Variants in TMEM132D observed in about 807,000 individuals in gnomAD.
TMEM132D encodes transmembrane protein 132D.
TMEM132D carries 21 observed loss-of-function variants against 62.3 expected under a neutral mutation model. The ratio of observed to expected loss-of-function variants is 0.34; its 90% CI spans 0.24 to 0.49. The LOEUF (loss-of-function observed/expected upper bound fraction) is 0.49. Ranked by LOEUF, TMEM132D falls within the 20% of genes least tolerant of loss-of-function variation. The pLI is 0.99. For missense variants in TMEM132D, 1,346 were observed against 1,402.8 expected (o/e 0.96, Z 0.65); for synonymous variants, 621 against 575.6 (o/e 1.08, Z -1.13).
chr12:129,238,101 C>T (rs776271636), intron 4 of TMEM132D, among the ~76,000 whole-genome samples: 3 of 152,112 alleles, frequency 2.0e-5, no homozygotes, highest in Non-Finnish European at 4.4e-5. Context: ...CTGTCTCTTC[C>T]CCTGTCCTAG....
intron 2 of TMEM132D, among the ~76,000 whole-genome samples, chr12:129,569,165 G>A (rs183461776): frequency 3.9e-5 from 6 of 152,312 alleles, no homozygotes; most frequent in Admixed American, 3.9e-4. Flanking sequence ...TAGGTAACGG[G>A]AAGAACAGGC....
intron 4 of TMEM132D, among the ~76,000 whole-genome samples, chr12:129,273,639 C>A (rs1880920749): frequency 6.6e-6 from 1 of 151,786 alleles, no homozygotes; most frequent in Non-Finnish European, 1.5e-5. Context: ...AGCTGGAGGT[C>A]ATTATCCTAA....
intron 2 of TMEM132D, among the ~76,000 whole-genome samples, chr12:129,668,408 T>C (rs955722451): frequency 6.6e-6 from 1 of 151,408 alleles, no homozygotes; most frequent in Non-Finnish European, 1.5e-5. Flanking sequence ...TCCCCAGACA[T>C]TTTGTCTTGC....
intron 1 of TMEM132D, among the ~76,000 whole-genome samples, chr12:129,803,400 C>A: frequency 6.6e-6 from 1 of 152,074 alleles, no homozygotes; most frequent in East Asian, 1.9e-4. Context: ...CAAAACTGCA[C>A]AACTACATGG....
intron 2 of TMEM132D, among the ~76,000 whole-genome samples, chr12:129,648,765 G>A (rs375857169): frequency 1.3e-5 from 2 of 152,250 alleles, no homozygotes; most frequent in Middle Eastern, 3.4e-3. Flanking sequence ...AATGAATAAT[G>A]CATCAAATAA....
At chr12:129,728,399 G>A (rs1404113099) in intron 1 of TMEM132D, among the ~76,000 whole-genome samples, 1 of 152,138 alleles carries the variant, frequency 6.6e-6, no homozygotes. Flanking sequence ...TCCTTAATCT[G>A]AGTAATTATA....
intron 5 of TMEM132D, among the ~76,000 whole-genome samples, chr12:129,120,144 A>G (rs1876012224): frequency 6.6e-6 from 1 of 152,202 alleles, no homozygotes; most frequent in Non-Finnish European, 1.5e-5. Flanking sequence ...TATTATTAGA[A>G]GCACTGCATA....
At chr12:129,686,439 C>T (rs972727287) in intron 2 of TMEM132D, among the ~76,000 whole-genome samples, 2 of 152,174 alleles carry the variant, frequency 1.3e-5, no homozygotes, top group Admixed American at 6.5e-5. Flanking sequence ...GATGTGTTTG[C>T]TTCCCCTTCT....
intron 1 of TMEM132D, among the ~76,000 whole-genome samples, chr12:129,748,553 T>C (rs930323465): frequency 5.9e-5 from 9 of 152,166 alleles, no homozygotes; most frequent in Non-Finnish European, 1.0e-4. Context: ...AAGTTCATCT[T>C]GAGTTTAAAG....
intron 1 of TMEM132D, among the ~76,000 whole-genome samples, chr12:129,727,708 C>T (rs1265236189): frequency 2.0e-5 from 3 of 151,932 alleles, no homozygotes; most frequent in Admixed American, 6.6e-5. Context: ...AATTTTCTTC[C>T]GAGGTGATTT....
chr12:129,316,836 G>A (rs1236897488), intron 4 of TMEM132D, among the ~76,000 whole-genome samples: 1 of 152,078 alleles, frequency 6.6e-6, no homozygotes, highest in Non-Finnish European at 1.5e-5. Flanking sequence ...TCCAGTGTTA[G>A]GTGCATATAT....
At chr12:129,821,622 T>C (rs952998824) in intron 1 of TMEM132D, among the ~76,000 whole-genome samples, 4 of 152,186 alleles carry the variant, frequency 2.6e-5, no homozygotes, top group Non-Finnish European at 5.9e-5. Context: ...TGGAACAGTA[T>C]TTCTGGCAGA....
At chr12:129,419,338 C>G (rs545451203) in intron 3 of TMEM132D, among the ~76,000 whole-genome samples, 2 of 152,160 alleles carry the variant, frequency 1.3e-5, no homozygotes, top group East Asian at 3.9e-4. Flanking sequence ...AGAGTAAATC[C>G]TAGCAATTCC....
chr12:129,861,709 G>A (rs1372863225), intron 1 of TMEM132D, among the ~76,000 whole-genome samples: 1 of 146,292 alleles, frequency 6.8e-6, no homozygotes, highest in African/African-American at 2.6e-5. Context: ...AGCCAAGATT[G>A]CACCACTGCA....
chr12:129,186,317 C>T lies in TMEM132D; in HGVS notation c.1443+23203G>A, dbSNP rs563209829. ...CCCTTGGCAGCCCCTGCAGAGACCC[C>T]TCAGCTTTGCCTCCTTCTATGCCTC... On this transcript the variant is annotated intron_variant, in intron 5 of 8. Coordinates refer to ENST00000422113, the MANE Select transcript of TMEM132D (RefSeq NM_133448.3). 1.2e-4 allele frequency among the ~76,000 whole-genome samples: 19 copies of T among 152,338 alleles called. No individual in the cohort carries two copies. The East Asian group carries it at 3.1e-3, about 25-fold the overall frequency.
chr12:129,193,149 TTC>T (rs1768031253), intron 5 of TMEM132D, among the ~76,000 whole-genome samples: 1 of 101,344 alleles, frequency 9.9e-6, no homozygotes, highest in Non-Finnish European at 1.9e-5. Context: ...CAGAGTGAGA[TTC>T]TGTCTCAAAA....
chr12:129,108,065 G>C (rs1259917156), intron 5 of TMEM132D, among the ~76,000 whole-genome samples: 1 of 152,130 alleles, frequency 6.6e-6, no homozygotes, highest in Non-Finnish European at 1.5e-5. Context: ...TCTGACTTCT[G>C]ACCATGAAAT....
intron 3 of TMEM132D, among the ~76,000 whole-genome samples, chr12:129,461,723 AGGTGGGTGGGTG>A (rs560830627): frequency 4.3e-4 from 1 of 2,320 alleles, no homozygotes; most frequent in Non-Finnish European, 8.0e-4. Context: ...GTAGGTAGAG[AGGTGGGTGGGTG>A]GGTGGGTGGA....
intron 7 of TMEM132D, among the ~76,000 whole-genome samples, chr12:129,080,132 A>G (rs1874404971): frequency 6.6e-6 from 1 of 152,236 alleles, no homozygotes; most frequent in Non-Finnish European, 1.5e-5. Context: ...TATGAGACAG[A>G]TATGTTTTGT....
Sources: gnomAD v4.1 joint callset for allele counts (sites outside exome capture counted in the v4.1 genomes callset) on GRCh38, gnomAD v4.1.1 for gene constraint, MANE v1.5 for transcripts, NCBI Gene and HGNC (gene_info 2026-07-23, HGNC 2026-07-21) for gene names.